The following TRPM3 variants were observed in gnomAD, a reference collection of about 807,000 sequenced individuals.
TRPM3 encodes the protein transient receptor potential cation channel subfamily M member 3.
TRPM3 carries 77 observed loss-of-function variants against 181.2 expected under a neutral mutation model. The ratio of observed to expected loss-of-function variants is 0.42; its 90% CI spans 0.35 to 0.51. The LOEUF (loss-of-function observed/expected upper bound fraction) is 0.51. Ranked by LOEUF, TRPM3 falls within the 20% of genes least tolerant of loss-of-function variation. The pLI is 0.01. For synonymous variants in TRPM3, 745 were observed against 796.4 expected, an observed-to-expected ratio of 0.94 and a Z score of 1.09; for missense variants, 1,759 against 2,196.7, an observed-to-expected ratio of 0.80 and a Z score of 3.98.
At chr9:71,244,490 T>C (rs938283453) in intron 1 of TRPM3, among the ~76,000 whole-genome samples, 1 of 152,078 alleles carries the variant, frequency 6.6e-6, no homozygotes, top group Admixed American at 6.6e-5. Flanking sequence ...TTGTGGTACA[T>C]ATTGGGGAAA....
chr9:71,244,102 C>T (rs897045316), intron 1 of TRPM3, among the ~76,000 whole-genome samples: 2 of 152,036 alleles, frequency 1.3e-5, no homozygotes, highest in Admixed American at 6.6e-5. Context: ...GAAGGAGGCC[C>T]GTGAAGATAC....
rs572154541 is a variant in TRPM3, at chr9:71,199,186, C to G, written c.183+247467G>C. 1.4e-4 allele frequency among the ~76,000 whole-genome samples: 21 copies of G among 150,824 alleles called. 1 individual carries two copies. Among genetic ancestry groups the G allele is most frequent in the African/African-American group, 4.6e-4 (19 of 41,170 alleles). On this transcript the variant is annotated intron_variant, in intron 1 of 24. Transcript: ENST00000357533. ...ATGCTGGATTACATTTATTGATTTG[C>G]GTATATTGAGCCAGCCTTGCATCAC...
intron 24 of TRPM3, among the ~76,000 whole-genome samples, chr9:70,551,400 A>T (rs560786397): frequency 1.3e-5 from 2 of 152,296 alleles, no homozygotes; most frequent in South Asian, 4.1e-4. Flanking sequence ...GCATCCAGTA[A>T]CCTGGCAATG....
intron 1 of TRPM3, among the ~76,000 whole-genome samples, chr9:71,014,753 ATTGAG>A (rs1178911790): frequency 2.0e-5 from 3 of 152,082 alleles, no homozygotes; most frequent in Non-Finnish European, 4.4e-5. Flanking sequence ...TGTATACAAC[ATTGAG>A]TTGAGTTTTG....
At chr9:70,964,249 A>T (rs1308417915) in intron 1 of TRPM3, among the ~76,000 whole-genome samples, 2 of 152,144 alleles carry the variant, frequency 1.3e-5, no homozygotes, top group African/African-American at 4.8e-5. Context: ...GCAAGGACCA[A>T]GCTTTTTTAT....
intron 1 of TRPM3, among the ~76,000 whole-genome samples, chr9:71,298,296 T>C (rs1448738185): frequency 2.6e-5 from 4 of 152,282 alleles, no homozygotes; most frequent in Admixed American, 6.5e-5. Context: ...GTATAATCCA[T>C]ACATCTGGTT....
intron 1 of TRPM3, among the ~76,000 whole-genome samples, chr9:71,247,314 T>C (rs1395686373): frequency 7.4e-6 from 1 of 135,340 alleles, no homozygotes; most frequent in African/African-American, 2.8e-5. Flanking sequence ...AGATCATGCC[T>C]CTGCACTCCA....
chr9:71,382,645 A>T (rs1010026652), intron 1 of TRPM3, among the ~76,000 whole-genome samples: 6 of 152,224 alleles, frequency 3.9e-5, no homozygotes, highest in Middle Eastern at 3.4e-3. Context: ...GAATTTTTTT[A>T]AAAAAGAAGC....
At chr9:71,198,362 T>C (rs997767833) in intron 1 of TRPM3, among the ~76,000 whole-genome samples, 7 of 152,080 alleles carry the variant, frequency 4.6e-5, no homozygotes, top group African/African-American at 1.4e-4. Context: ...CGGGCTCTTT[T>C]TTGGTTCCAT....
chr9:71,206,544 A>G (rs937242137), intron 1 of TRPM3, among the ~76,000 whole-genome samples: 3 of 151,910 alleles, frequency 2.0e-5, no homozygotes, highest in African/African-American at 7.3e-5. Flanking sequence ...TTGCCCATTC[A>G]CTCTGATGAT....
intron 1 of TRPM3, among the ~76,000 whole-genome samples, chr9:71,119,952 G>C (rs917595077): frequency 6.6e-6 from 1 of 152,200 alleles, no homozygotes. Flanking sequence ...TATGATGGGA[G>C]TTTGAACAGC....
At chr9:71,226,617 G>A (rs2131879532) in intron 1 of TRPM3, among the ~76,000 whole-genome samples, 1 of 152,086 alleles carries the variant, frequency 6.6e-6, no homozygotes, top group South Asian at 2.1e-4. Context: ...AGTCAGTTCA[G>A]CAGAGGATAT....
chr9:71,147,888 C>T (rs574287721), intron 1 of TRPM3, among the ~76,000 whole-genome samples: 497 of 152,274 alleles, frequency 3.3e-3, no homozygotes, highest in African/African-American at 0.011. Flanking sequence ...TTCTGACCAA[C>T]ATTTCTTTTT....
At chr9:70,765,209 G>A (rs1317621617) in intron 7 of TRPM3, among the ~76,000 whole-genome samples, 1 of 152,162 alleles carries the variant, frequency 6.6e-6, no homozygotes, top group African/African-American at 2.4e-5. Flanking sequence ...TATATTCTAA[G>A]TCTTTCATAG....
chr9:71,333,948 G>A (rs905574471), intron 1 of TRPM3, among the ~76,000 whole-genome samples: 1 of 151,790 alleles, frequency 6.6e-6, no homozygotes, highest in African/African-American at 2.4e-5. Context: ...CACATCTGAA[G>A]GTTAAAGGGA....
At chr9:70,971,080 A>C (rs2097239424) in intron 1 of TRPM3, among the ~76,000 whole-genome samples, 2 of 151,990 alleles carry the variant, frequency 1.3e-5, no homozygotes. Flanking sequence ...GCTGCCTTAG[A>C]CTCTACTAGG....
intron 6 of TRPM3, among the ~76,000 whole-genome samples, chr9:70,821,619 A>G (rs1243947399): frequency 6.6e-6 from 1 of 152,318 alleles, no homozygotes; most frequent in Non-Finnish European, 1.5e-5. Context: ...TTACTTAAAC[A>G]CTTTCAAGGT....
At chr9:71,192,323 G>C (rs567152271) in intron 1 of TRPM3, among the ~76,000 whole-genome samples, 1 of 151,716 alleles carries the variant, frequency 6.6e-6, no homozygotes, top group African/African-American at 2.4e-5. Context: ...ATGAAGTTTT[G>C]CTCTCTGAAA....
intron 1 of TRPM3, among the ~76,000 whole-genome samples, chr9:71,061,851 AT>A (rs1356418800): frequency 1.3e-5 from 2 of 152,042 alleles, no homozygotes; most frequent in Non-Finnish European, 2.9e-5. Flanking sequence ...AGCCATGAAT[AT>A]GACTGTAGGA....
Sources: allele counts gnomAD v4.1 joint callset (sites outside exome capture counted in the v4.1 genomes callset), GRCh38; gene constraint gnomAD v4.1.1; transcripts MANE v1.5; gene names NCBI Gene and HGNC (gene_info 2026-07-23, HGNC 2026-07-21).